GRIN2B: variants seen among roughly 807,000 people sequenced by gnomAD.
The protein encoded by GRIN2B is glutamate receptor ionotropic, NMDA 2B.
In GRIN2B, 5 loss-of-function variants were observed where a neutral mutation model predicts 114.5. That is an observed-to-expected ratio of 0.04 (90% CI 0.02 to 0.09). GRIN2B has a LOEUF of 0.09. Among genes scored for constraint, GRIN2B ranks in the 10% least tolerant of loss-of-function variants. The pLI is 1.00. For synonymous variants in GRIN2B, 787 were observed against 745.1 expected (o/e 1.06, Z -0.92); for missense variants, 1,108 against 1,943.5 (o/e 0.57, Z 8.08).
intron 2 of GRIN2B, among the ~76,000 whole-genome samples, chr12:13,960,812 G>A (rs1867676148): frequency 6.6e-6 from 1 of 152,194 alleles, no homozygotes; most frequent in Non-Finnish European, 1.5e-5. Flanking sequence ...AGTTGTAGCT[G>A]TAAAGAACAA....
chr12:13,860,729 GTT>G (rs1464368814), intron 3 of GRIN2B, among the ~76,000 whole-genome samples: 1 of 152,156 alleles, frequency 6.6e-6, no homozygotes, highest in Admixed American at 6.5e-5. Flanking sequence ...TGTGATGCAC[GTT>G]TTAGCTACCA....
At chr12:13,710,145 T>C (rs558954926) in intron 4 of GRIN2B, among the ~76,000 whole-genome samples, 4 of 152,116 alleles carry the variant, frequency 2.6e-5, no homozygotes, top group East Asian at 1.9e-4. Flanking sequence ...AAACATTATA[T>C]TGAGCAAAGG....
chr12:13,887,502 G>A (rs1301786476), intron 2 of GRIN2B, among the ~76,000 whole-genome samples: 5 of 152,040 alleles, frequency 3.3e-5, no homozygotes, highest in Admixed American at 6.5e-5. Flanking sequence ...GAATTCAACA[G>A]AACTCATACA....
chr12:13,943,722 T>A (rs1274714156), intron 2 of GRIN2B, among the ~76,000 whole-genome samples: 1 of 152,246 alleles, frequency 6.6e-6, no homozygotes, highest in Non-Finnish European at 1.5e-5. Context: ...CTCTGCTCAA[T>A]GTCACCTTAT....
intron 3 of GRIN2B, among the ~76,000 whole-genome samples, chr12:13,847,885 G>A (rs191016767): frequency 6.6e-6 from 1 of 152,226 alleles, no homozygotes; most frequent in East Asian, 1.9e-4. Flanking sequence ...TAAATCGTCG[G>A]AGTTCACCAA....
intron 10 of GRIN2B, among the ~76,000 whole-genome samples, chr12:13,605,552 G>GACACACACAC (rs66916614): frequency 0.093 from 12,024 of 129,472 alleles, 799 homozygotes; most frequent in East Asian, 0.15. Flanking sequence ...CTCTCTCTCT[G>GACACACACAC]ACACACACAC....
chr12:13,641,682 G>T (rs148517046), intron 5 of GRIN2B, among the ~76,000 whole-genome samples: 1 of 152,094 alleles, frequency 6.6e-6, no homozygotes. Context: ...AACTAGAAAT[G>T]AATCCAGGAC....
At chr12:13,737,093 C>T (rs1863198331) in intron 4 of GRIN2B, among the ~76,000 whole-genome samples, 1 of 151,074 alleles carries the variant, frequency 6.6e-6, no homozygotes, top group African/African-American at 2.4e-5. Context: ...AATTCCTTGT[C>T]AAGCCCAAAA....
intron 2 of GRIN2B, among the ~76,000 whole-genome samples, chr12:13,949,995 A>G (rs184056250): frequency 1.5e-3 from 221 of 152,326 alleles, no homozygotes; most frequent in African/African-American, 5.2e-3. Context: ...AGGCACTTAA[A>G]TTACCTTTGA....
chr12:13,855,049 G>GGAAAAAAA (rs57722937), intron 3 of GRIN2B, among the ~76,000 whole-genome samples: 13 of 88,028 alleles, frequency 1.5e-4, no homozygotes, highest in African/African-American at 6.3e-4. Context: ...CATCTCTACT[G>GGAAAAAAA]AAAAAAAAAA....
At chr12:13,791,245 T>C (rs1253925582) in intron 3 of GRIN2B, among the ~76,000 whole-genome samples, 2 of 151,846 alleles carry the variant, frequency 1.3e-5, no homozygotes, top group African/African-American at 4.8e-5. Context: ...GGGCGGATCA[T>C]GAGGTCAGGA....
intron 2 of GRIN2B, among the ~76,000 whole-genome samples, chr12:13,880,258 C>T (rs1866050841): frequency 6.6e-6 from 1 of 152,162 alleles, no homozygotes; most frequent in Non-Finnish European, 1.5e-5. Context: ...AAAAATGAGG[C>T]TGCCTTAAGT....
In GRIN2B at chr12:13,546,175, C is replaced by G. The variant is rs1368245385; in HGVS notation, c.*16608G>C. ...CCCCTGATATATTCAGTTCTCAGTG[C>G]CCCTTGGCTTCCCAATTTAAGTCAA... On this transcript the variant is annotated 3_prime_UTR_variant, in exon 14 of 14. Transcript: ENST00000609686. 2 of 152,272 alleles carry G rather than the reference C, an allele frequency of 1.3e-5. No individual in the cohort carries two copies. The highest frequency in any genetic ancestry group is 4.8e-5 in the African/African-American group (2 of 41,564). 9.4% of individuals were successfully genotyped at this position (152,272 alleles called of 1,614,324 possible).
chr12:13,594,524 G>C (rs558918607), intron 10 of GRIN2B, among the ~76,000 whole-genome samples: 6 of 152,054 alleles, frequency 3.9e-5, no homozygotes, highest in African/African-American at 1.4e-4. Context: ...GGGCCTGTAA[G>C]GGGGTGGGGG....
At chr12:13,930,055 G>A (rs1490039497) in intron 2 of GRIN2B, among the ~76,000 whole-genome samples, 4 of 151,912 alleles carry the variant, frequency 2.6e-5, no homozygotes, top group Non-Finnish European at 4.4e-5. Flanking sequence ...ATGGTGGCAC[G>A]CACCTGCAGT....
chr12:13,751,793 A>G (rs1449121234), intron 4 of GRIN2B, among the ~76,000 whole-genome samples: 2 of 152,188 alleles, frequency 1.3e-5, no homozygotes, highest in African/African-American at 4.8e-5. Flanking sequence ...TGGAAAATAT[A>G]CAGACATTAA....
chr12:13,780,048 T>A (rs1039583520), intron 3 of GRIN2B, among the ~76,000 whole-genome samples: 1 of 152,204 alleles, frequency 6.6e-6, no homozygotes, highest in Non-Finnish European at 1.5e-5. Flanking sequence ...GGTGTCACCA[T>A]ATCAGGAAAA....
At chr12:13,612,795 C>T (rs915799626) in intron 8 of GRIN2B, among the ~76,000 whole-genome samples, 3 of 152,128 alleles carry the variant, frequency 2.0e-5, no homozygotes, top group African/African-American at 7.2e-5. Context: ...CTATTCTGTC[C>T]CATGATACAA....
rs1948559329 is a variant in GRIN2B, at chr12:13,562,578, G to GA, written c.*204dup. On this transcript the variant is annotated 3_prime_UTR_variant, in exon 14 of 14. Transcript: ENST00000609686. ...TGGCTGACAGCGGGGGGAAGAAGGA[G>GA]AGAACTGTGAAAAGGAGGAGAGATG... 3 of 595,044 alleles carry GA rather than the reference G, an allele frequency of 5.0e-6. No homozygotes were observed. Among genetic ancestry groups the GA allele is most frequent in the Non-Finnish European group, 9.0e-6 (3 of 334,468 alleles). The allele number at this position is 595,044 out of a possible 1,614,324, so 36.9% of individuals were successfully genotyped here.
Sources: gnomAD v4.1 joint callset for allele counts (sites outside exome capture counted in the v4.1 genomes callset) on GRCh38, gnomAD v4.1.1 for gene constraint, MANE v1.5 for transcripts, NCBI Gene and HGNC (gene_info 2026-07-23, HGNC 2026-07-21) for gene names.